SP3: variants seen among roughly 807,000 people sequenced by gnomAD.
SP3 encodes the protein transcription factor Sp3.
Under a neutral mutation model 70.3 loss-of-function variants are expected in SP3, and 10 were observed. The ratio of observed to expected loss-of-function variants is 0.14; its 90% confidence interval spans 0.09 to 0.24. The LOEUF is 0.24. Ranked by LOEUF, SP3 falls within the 10% of genes least tolerant of loss-of-function variation. SP3 has a pLI of 1.00. For synonymous variants in SP3, 402 were observed against 333.5 expected, an observed-to-expected ratio of 1.21 and a Z score of -2.24; for missense variants, 825 against 914.6, an observed-to-expected ratio of 0.90 and a Z score of 1.26.
rs765670918 is a variant in SP3 at position 173,954,889 on chromosome 2, A to G, written c.1623T>C (p.Asn541=). The G allele has an allele frequency of 7.4e-6, 12 of 1,612,210 alleles. No individual in the cohort carries two copies. The South Asian group carries it at 1.3e-4, about 18-fold the overall frequency. Reference sequence around the variant, plus strand: ...AAGACTCACCTGCAGGACTGTCAGCATTCTCTCCTGGATGTAGCTGTATAC... The same window carrying G: ...AAGACTCACCTGCAGGACTGTCAGCGTTCTCTCCTGGATGTAGCTGTATAC... ...SAGIQLHPGE[N]ADSPADIRIK... Residue 541 remains asparagine (N), a synonymous_variant, in exon 4 of 7, where the codon AAT becomes AAC. Transcript: ENST00000310015.
intron 4 of SP3, among the ~76,000 whole-genome samples, chr2:173,943,057 T>C (rs1690422995): frequency 6.6e-6 from 1 of 151,802 alleles, no homozygotes; most frequent in Non-Finnish European, 1.5e-5. Context: ...GTGTAGGGAG[T>C]ATCCTAGAAC....
rs936992872 is a variant in SP3, at chr2:173,905,494, G to A, written c.*4447C>T. Among the ~76,000 whole-genome samples, 2 of 152,124 alleles carry A rather than the reference G, an allele frequency of 1.3e-5. No homozygotes were observed. The highest frequency in any genetic ancestry group is 4.8e-5 in the African/African-American group (2 of 41,412). The stretch of plus-strand genomic sequence containing the variant: ...CAAGAGTTAAAAGGTGAAAAATGGG[G>A]AAAAGGACTGAAGGAGATAGGCCTT... On this transcript the variant is annotated 3_prime_UTR_variant, in exon 7 of 7. Transcript: ENST00000310015.
At chr2:173,917,592 T>C (rs1293481138) in intron 5 of SP3, among the ~76,000 whole-genome samples, 1 of 152,144 alleles carries the variant, frequency 6.6e-6, no homozygotes, top group Non-Finnish European at 1.5e-5. Flanking sequence ...AAAAGCTCTA[T>C]TAGATCAAGT....
At chr2:173,962,854 T>C (rs1691128654) in intron 3 of SP3, 1 of 152,192 alleles carries the variant, frequency 6.6e-6, no homozygotes, top group African/African-American at 2.4e-5. Context: ...AAATTCACAA[T>C]TAACAGTCTA....
At chr2:173,913,506 C>A in intron 5 of SP3, 1 of 292,634 alleles carries the variant, frequency 3.4e-6, no homozygotes. Flanking sequence ...TGTAAATATG[C>A]TCAAGAATTA....
At position 173,963,776 on chromosome 2, in the gene SP3, G is replaced by A; in HGVS notation, c.264C>T (p.Pro88=). ...CGGGACTTACCGCTCCGGCGGCGGC[G>A]GGGGCCCCGGCTGCGGCGGCCGCCT... ...EEEAAAAAGA[P]AAAGATGDLA... The change falls in exon 3 of 7, where the codon CCC becomes CCT. Residue 88 remains proline, a synonymous_variant. Transcript: ENST00000310015. The A allele has an allele frequency of 1.5e-6, 2 of 1,331,942 alleles. No individual in the cohort carries two copies. The highest frequency in any genetic ancestry group is 2.0e-6 in the Non-Finnish European group (2 of 1,024,806). The allele number at this position is 1,331,942 out of a possible 1,614,324, so 82.5% of individuals were successfully genotyped here.
In SP3 at chr2:173,955,679, C is replaced by T; in HGVS notation, c.833G>A (p.Gly278Glu). 1 of 1,614,194 alleles carries T rather than the reference C, an allele frequency of 6.2e-7. No individual in the cohort carries two copies. Among genetic ancestry groups the T allele is most frequent in the South Asian group, 1.1e-5 (1 of 91,082 alleles). ...PINSVDLDSL[G>E]LSGSSQTMTA... ...CATTGTCTGAGAACTGCCCGAGAGT[C>T]CCAAAGAATCTAGATCGACACTATT... Residue 278 changes from glycine (G) to glutamate (E), a missense_variant, in exon 4 of 7, where the codon GGA becomes GAA. This residue lies in a region of SP3 where 678 missense variants were observed against 651.6 expected (regional missense o/e 1.04). Coordinates refer to ENST00000310015, the MANE Select transcript of SP3 (RefSeq NM_003111.5).
At chr2:173,953,906 G>A (rs752805368) in intron 4 of SP3, among the ~76,000 whole-genome samples, 2 of 152,062 alleles carry the variant, frequency 1.3e-5, no homozygotes, top group Non-Finnish European at 2.9e-5. Flanking sequence ...ATACGGATCT[G>A]AGGTTCTAAG....
At chr2:173,964,710 C>A in intron 1 of SP3, 157 bp from the exon 2 acceptor site, 1 of 347,890 alleles carries the variant, frequency 2.9e-6, no homozygotes, top group South Asian at 4.5e-5. Context: ...CGGCGGCTCC[C>A]TCCTCCCCTC....
At chr2:173,929,401 T>G (rs1043120231) in intron 4 of SP3, among the ~76,000 whole-genome samples, 2 of 152,154 alleles carry the variant, frequency 1.3e-5, no homozygotes, top group African/African-American at 4.8e-5. Flanking sequence ...AAGGACAGGA[T>G]CTGCGCTGAT....
Position 173,906,768 on chromosome 2 carries a change from A to G in SP3, c.*3173T>C, listed in dbSNP as rs1032086890. On this transcript the variant is annotated 3_prime_UTR_variant, in exon 7 of 7. Transcript: ENST00000310015. ...GCTCTATTTTAAGTGATTGTAACGCAGGAGTGTTTAACAGAACCACTTGAG... is the reference window on the plus strand; with the variant it reads ...GCTCTATTTTAAGTGATTGTAACGCGGGAGTGTTTAACAGAACCACTTGAG... 3.3e-5 allele frequency: 5 copies of G among 152,324 alleles called. No individual in the cohort carries two copies. Among genetic ancestry groups the G allele is most frequent in the African/African-American group, 1.2e-4 (5 of 41,574 alleles). 9.4% of individuals were successfully genotyped at this position (152,324 alleles called of 1,614,324 possible).
Position 173,909,592 on chromosome 2 carries a change from AATAG to A in SP3, c.*345_*348del, listed in dbSNP as rs1689420735. ...TCACCCACCAGCTTTTTTATCTTAC[AATAG>A]ATAAATACCAACATGTTCTCATTTT... On this transcript the variant is annotated 3_prime_UTR_variant, in exon 7 of 7. Transcript: ENST00000310015. The A allele has an allele frequency of 6.1e-6, 1 of 163,596 alleles. No homozygotes were observed. Among genetic ancestry groups the A allele is most frequent in the Admixed American group, 5.9e-5 (1 of 16,934 alleles). The allele number at this position is 163,596 out of a possible 1,614,324, so 10.1% of individuals were successfully genotyped here. A position where few individuals can be genotyped will look rare whatever the true frequency, so the allele number is the denominator to read the frequency against.
At chr2:173,932,879 C>A (rs980880508) in intron 4 of SP3, among the ~76,000 whole-genome samples, 1 of 152,056 alleles carries the variant, frequency 6.6e-6, no homozygotes, top group Non-Finnish European at 1.5e-5. Context: ...GTAGTCCCAG[C>A]TACTCGGGAG....
At chr2:173,916,441 G>A (rs1192783437) in intron 5 of SP3, 1 of 151,516 alleles carries the variant, frequency 6.6e-6, no homozygotes, top group Non-Finnish European at 1.5e-5. Flanking sequence ...ACTGACAAAG[G>A]CAATGTAAAA....
intron 4 of SP3, among the ~76,000 whole-genome samples, chr2:173,947,346 C>T (rs1469341567): frequency 6.6e-6 from 1 of 152,068 alleles, no homozygotes; most frequent in African/African-American, 2.4e-5. Context: ...GGGTAAATTC[C>T]TAAGCATATT....
chr2:173,941,003 T>G (rs1690355991), intron 4 of SP3, among the ~76,000 whole-genome samples: 1 of 151,948 alleles, frequency 6.6e-6, no homozygotes, highest in African/African-American at 2.4e-5. Flanking sequence ...AACATCCCTC[T>G]CTCATCCTCT....
chr2:173,955,330 A>C lies in SP3; in HGVS notation c.1182T>G (p.Val394=). ...QNIQVSTAQP[V]VQHLQLQESQ... Reference sequence around the variant, plus strand: ...ACTCTTGAAGTTGTAGATGCTGTACAACAGGCTGTGCTGTAGAAACCTGAA... The same window carrying C: ...ACTCTTGAAGTTGTAGATGCTGTACCACAGGCTGTGCTGTAGAAACCTGAA... The change falls in exon 4 of 7, where the codon GTT becomes GTG. Residue 394 remains valine (V), a synonymous_variant. Transcript: ENST00000310015. 1 of 1,614,082 alleles carries C rather than the reference A, an allele frequency of 6.2e-7. No homozygotes were observed. Among genetic ancestry groups the C allele is most frequent in the Non-Finnish European group, 8.5e-7 (1 of 1,180,016 alleles).
chr2:173,910,889 AAAGT>A (rs1427717474), intron 6 of SP3, among the ~76,000 whole-genome samples: 4 of 152,240 alleles, frequency 2.6e-5, no homozygotes, highest in South Asian at 2.1e-4. Context: ...CAGCATGAAT[AAAGT>A]AAGTTTAAAT....
At position 173,910,147 on chromosome 2, in the gene SP3, T is replaced by C. The variant is rs1689438755; in HGVS notation, c.2140A>G (p.Thr714Ala). 2.5e-6 allele frequency: 4 copies of C among 1,613,802 alleles called. No homozygotes were observed. Among genetic ancestry groups the C allele is most frequent in the African/African-American group, 2.7e-5 (2 of 74,934 alleles). ...GCAGCTTCCACAGATGCCAGCACTG[T>C]ACTGCTAGAGTGAATACCTTTTTTA... ...QNKKGIHSSS[T>A]VLASVEAARD... The change falls in exon 7 of 7, where the codon ACA (threonine) becomes GCA (alanine). Residue 714 changes from threonine to alanine, a missense_variant. Physicochemically the swap from Thr to Ala is moderately conservative, Grantham distance 58. This residue lies in a region of SP3 where 91 missense variants were observed against 97.4 expected (regional missense o/e 0.93). Transcript: ENST00000310015.
Sources: gnomAD v4.1 joint callset for allele counts (sites outside exome capture counted in the v4.1 genomes callset) on GRCh38, gnomAD v4.1.1 for gene constraint, gnomAD v4.1.1 regional missense constraint, MANE v1.5 for transcripts, NCBI Gene and HGNC (gene_info 2026-07-23, HGNC 2026-07-21) for gene names.